ASAP1: variants seen among roughly 807,000 people sequenced by gnomAD.
ASAP1 encodes ArfGAP with SH3 domain, ankyrin repeat and PH domain 1, also known as arf-GAP with SH3 domain, ANK repeat and PH domain-containing protein 1.
ASAP1 carries 43 observed loss-of-function variants against 145.2 expected under a neutral mutation model. That is an observed-to-expected ratio of 0.30 (90% CI 0.23 to 0.38). The LOEUF is 0.38. ASAP1 is among the 10% of genes least tolerant of loss of function. ASAP1 has a pLI of 1.00. For synonymous variants in ASAP1, 546 were observed against 515.5 expected (o/e 1.06, Z -0.80); for missense variants, 1,018 against 1,355.3 (o/e 0.75, Z 3.91).
chr8:130,326,491 G>C (rs1357443088), intron 3 of ASAP1, among the ~76,000 whole-genome samples: 2 of 152,192 alleles, frequency 1.3e-5, no homozygotes, highest in African/African-American at 4.8e-5. Flanking sequence ...ACCACGAACA[G>C]ACTGGATGTG....
chr8:130,339,348 T>C (rs1216759767), intron 3 of ASAP1, among the ~76,000 whole-genome samples: 1 of 152,202 alleles, frequency 6.6e-6, no homozygotes, highest in Non-Finnish European at 1.5e-5. Context: ...TTAAAGACCA[T>C]GCTGTGGAAG....
At chr8:130,240,956 T>G (rs1818489056) in intron 3 of ASAP1, among the ~76,000 whole-genome samples, 3 of 152,036 alleles carry the variant, frequency 2.0e-5, no homozygotes, top group African/African-American at 7.2e-5. Flanking sequence ...GCCAAAAGGA[T>G]GTAGAAAAAT....
intron 26 of ASAP1, among the ~76,000 whole-genome samples, chr8:130,077,097 C>T (rs550882380): frequency 6.6e-6 from 1 of 152,182 alleles, no homozygotes; most frequent in Non-Finnish European, 1.5e-5. Context: ...GAAGGTCTCA[C>T]GTGGGTCAGA....
intron 1 of ASAP1, among the ~76,000 whole-genome samples, chr8:130,405,697 C>T (rs1464762849): frequency 1.3e-5 from 2 of 152,190 alleles, no homozygotes; most frequent in Non-Finnish European, 2.9e-5. Flanking sequence ...AGGTGTGACA[C>T]CATAGTCAGT....
At chr8:130,438,976 T>C (rs554450612) in intron 1 of ASAP1, among the ~76,000 whole-genome samples, 1 of 152,288 alleles carries the variant, frequency 6.6e-6, no homozygotes, top group South Asian at 2.1e-4. Flanking sequence ...GTTCCATGAG[T>C]TACATGGCAA....
At chr8:130,338,382 C>G (rs1198358926) in intron 3 of ASAP1, among the ~76,000 whole-genome samples, 1 of 152,130 alleles carries the variant, frequency 6.6e-6, no homozygotes, top group East Asian at 1.9e-4. Context: ...TAAAAATTAG[C>G]TGCTACAATT....
chr8:130,242,140 G>T (rs1370518114), intron 3 of ASAP1, among the ~76,000 whole-genome samples: 1 of 151,630 alleles, frequency 6.6e-6, no homozygotes, highest in Non-Finnish European at 1.5e-5. Context: ...AATGGAGCAG[G>T]TGCTCAAAAA....
intron 24 of ASAP1, among the ~76,000 whole-genome samples, chr8:130,094,125 T>C (rs1052491314): frequency 6.6e-6 from 1 of 152,230 alleles, no homozygotes; most frequent in Non-Finnish European, 1.5e-5. Flanking sequence ...GAGATTGTTA[T>C]TATGGCCTTG....
chr8:130,406,507 T>C (rs1023874096), intron 1 of ASAP1, among the ~76,000 whole-genome samples: 1 of 151,582 alleles, frequency 6.6e-6, no homozygotes, highest in Non-Finnish European at 1.5e-5. Context: ...AGAGTCTCGC[T>C]GTGTCACCCA....
At chr8:130,430,775 G>C (rs1239083837) in intron 1 of ASAP1, among the ~76,000 whole-genome samples, 4 of 152,310 alleles carry the variant, frequency 2.6e-5, no homozygotes, top group African/African-American at 9.6e-5. Context: ...TGGGTTGGAA[G>C]AAGAGCAAGA....
chr8:130,354,949 G>T (rs116413620), intron 3 of ASAP1, among the ~76,000 whole-genome samples: 22 of 152,278 alleles, frequency 1.4e-4, no homozygotes, highest in African/African-American at 4.8e-4. Context: ...GCAGTGGTGC[G>T]ATCTTGGCTC....
Position 130,090,698 on chromosome 8 carries a change from G to A in ASAP1, c.2572+1275C>T, listed in dbSNP as rs189322450. Among the ~76,000 whole-genome samples, 40 of 152,236 alleles carry A rather than the reference G, an allele frequency of 2.6e-4. 1 individual carries two copies. Among genetic ancestry groups the A allele is most frequent in the Admixed American group, 1.8e-3 (27 of 15,282 alleles). On this transcript the variant is annotated intron_variant, in intron 25 of 29. Coordinates refer to ENST00000518721, the MANE Select transcript of ASAP1 (RefSeq NM_018482.4). ...TCCTGCATTAGACCATGAACTCCAC[G>A]AGCATATGGACTGAGAAGGCCCAAG...
intron 12 of ASAP1, among the ~76,000 whole-genome samples, chr8:130,154,132 C>T (rs1398815366): frequency 1.3e-5 from 2 of 152,140 alleles, no homozygotes; most frequent in Non-Finnish European, 2.9e-5. Flanking sequence ...TTAGCCAGGG[C>T]TCAAGAATGC....
At chr8:130,062,828 G>C (rs2097422360) in intron 27 of ASAP1, among the ~76,000 whole-genome samples, 1 of 152,128 alleles carries the variant, frequency 6.6e-6, no homozygotes, top group African/African-American at 2.4e-5. Flanking sequence ...ATAAAAATTA[G>C]CCAGGTGTGG....
chr8:130,157,473 C>T (rs552518625), intron 12 of ASAP1, among the ~76,000 whole-genome samples: 2 of 152,254 alleles, frequency 1.3e-5, no homozygotes, highest in South Asian at 4.1e-4. Flanking sequence ...TGATGCAGCC[C>T]TCCCTCTAAC....
intron 8 of ASAP1, among the ~76,000 whole-genome samples, chr8:130,180,016 GAGAA>G (rs139117249): frequency 0.015 from 2,130 of 142,022 alleles, 53 homozygotes; most frequent in African/African-American, 0.05. Flanking sequence ...AAGAGAGAGA[GAGAA>G]AGAAAGGAGA....
chr8:130,134,274 C>G (rs760314461), intron 15 of ASAP1, 22 bp downstream of exon 15: 24 of 1,554,222 alleles, frequency 1.5e-5, no homozygotes, highest in Non-Finnish European at 2.1e-5. Context: ...AGGCATCGCA[C>G]CTTTATTTCA....
At chr8:130,401,702 T>C (rs541661404) in intron 2 of ASAP1, among the ~76,000 whole-genome samples, 183 bp downstream of exon 2, 2 of 152,258 alleles carry the variant, frequency 1.3e-5, no homozygotes, top group East Asian at 1.9e-4. Context: ...ACAGAAAACA[T>C]AGTAGGCAGT....
chr8:130,085,738 G>GAAA (rs10690482), intron 25 of ASAP1, among the ~76,000 whole-genome samples: 2 of 125,408 alleles, frequency 1.6e-5, no homozygotes, highest in East Asian at 2.2e-4. Flanking sequence ...TTGTCTTTAA[G>GAAA]AAAAAAAAAA....
Sources: gnomAD v4.1 joint callset for allele counts (sites outside exome capture counted in the v4.1 genomes callset) on GRCh38, gnomAD v4.1.1 for gene constraint, MANE v1.5 for transcripts, NCBI Gene and HGNC (gene_info 2026-07-23, HGNC 2026-07-21) for gene names.